The following MSI2 variants were observed in gnomAD, a reference collection of about 807,000 sequenced individuals.
MSI2 encodes musashi RNA binding protein 2, also known as RNA-binding protein Musashi homolog 2.
Under a neutral mutation model 45.6 loss-of-function variants are expected in MSI2, and 17 were observed. The ratio of observed to expected loss-of-function variants is 0.37; its 90% confidence interval spans 0.26 to 0.56. The LOEUF (loss-of-function observed/expected upper bound fraction) is 0.56, where lower values mean the gene tolerates loss of function less well. MSI2 is among the 20% of genes least tolerant of loss of function. The pLI, the probability that MSI2 is intolerant of heterozygous loss-of-function variation, is 0.77. For synonymous variants in MSI2, 156 were observed against 158.2 expected, an observed-to-expected ratio of 0.99 and a Z score of 0.11; for missense variants, 293 against 444.2, an observed-to-expected ratio of 0.66 and a Z score of 3.06.
At chr17:57,426,238 A>T (rs562456349) in intron 6 of MSI2, among the ~76,000 whole-genome samples, 2 of 152,224 alleles carry the variant, frequency 1.3e-5, no homozygotes, top group Non-Finnish European at 1.5e-5. Context: ...TCCTAGCTGC[A>T]TACCGGTTTT....
intron 4 of MSI2, among the ~76,000 whole-genome samples, chr17:57,261,414 G>C (rs746487647): frequency 3.3e-5 from 5 of 151,810 alleles, no homozygotes; most frequent in Non-Finnish European, 1.5e-5. Context: ...TTTGGGTTTA[G>C]GTTGCTTATA....
intron 7 of MSI2, among the ~76,000 whole-genome samples, chr17:57,583,731 C>T (rs2088270476): frequency 6.6e-6 from 1 of 152,170 alleles, no homozygotes; most frequent in Non-Finnish European, 1.5e-5. Flanking sequence ...GCCTTGGCCT[C>T]CCAAAGTGCT....
At chr17:57,631,945 G>T in intron 10 of MSI2, 2 of 1,497,354 alleles carry the variant, frequency 1.3e-6, no homozygotes, top group Non-Finnish European at 1.8e-6. Flanking sequence ...GTCTGTCTTA[G>T]CTGCCTGTTT....
intron 6 of MSI2, among the ~76,000 whole-genome samples, chr17:57,474,704 TTTTTTG>T (rs140056381): frequency 0.82 from 122,667 of 149,082 alleles, 50,351 homozygotes; most frequent in East Asian, 0.93. Context: ...TTTTTGTTGT[TTTTTTG>T]TTTTTGTTTT....
chr17:57,696,444 G>T, the MSI2 span, among the ~76,000 whole-genome samples: 1 of 152,190 alleles, frequency 6.6e-6, no homozygotes, highest in African/African-American at 2.4e-5. Flanking sequence ...TCATATTAAA[G>T]TTTTTAGAAT....
chr17:57,603,134 T>C (rs1906100479), intron 8 of MSI2, among the ~76,000 whole-genome samples: 3 of 152,188 alleles, frequency 2.0e-5, no homozygotes, highest in African/African-American at 7.2e-5. Context: ...ACTCCCTCTA[T>C]GGTCAAACAG....
At chr17:57,259,028 A>G (rs562564344) in intron 4 of MSI2, among the ~76,000 whole-genome samples, 2 of 152,216 alleles carry the variant, frequency 1.3e-5, no homozygotes, top group East Asian at 3.9e-4. Flanking sequence ...TTAAAAATCC[A>G]GAGTAGAAGG....
intron 7 of MSI2, among the ~76,000 whole-genome samples, chr17:57,583,066 T>C (rs2088245505): frequency 2.0e-5 from 3 of 152,242 alleles, no homozygotes; most frequent in Admixed American, 2.0e-4. Context: ...GGGGGTGTGA[T>C]GTGGCTGGTT....
At chr17:57,293,733 C>T (rs745322460) in intron 5 of MSI2, among the ~76,000 whole-genome samples, 2 of 151,594 alleles carry the variant, frequency 1.3e-5, no homozygotes, top group South Asian at 2.1e-4. Context: ...CTCAGCTTCC[C>T]GAGTAGCTGG....
intron 10 of MSI2, among the ~76,000 whole-genome samples, chr17:57,648,696 G>C (rs1910886154): frequency 6.6e-6 from 1 of 152,160 alleles, no homozygotes; most frequent in Non-Finnish European, 1.5e-5. Flanking sequence ...CTCTGCCGCA[G>C]CTTTGCTTGG....
At chr17:57,391,633 G>C (rs2083792870) in intron 5 of MSI2, among the ~76,000 whole-genome samples, 1 of 152,000 alleles carries the variant, frequency 6.6e-6, no homozygotes, top group Admixed American at 6.6e-5. Flanking sequence ...TTCCACCCTG[G>C]GTGGGCAACT....
chr17:57,381,513 T>TC (rs1265787546), intron 5 of MSI2, among the ~76,000 whole-genome samples: 1 of 152,056 alleles, frequency 6.6e-6, no homozygotes, highest in African/African-American at 2.4e-5. Flanking sequence ...ACCTTATTGT[T>TC]CCCCCTGGTC....
intron 6 of MSI2, chr17:57,449,146 G>A (rs138591417): frequency 0.014 from 2,109 of 152,364 alleles, 24 homozygotes; most frequent in Non-Finnish European, 0.021. Context: ...TCCCTCCACC[G>A]CCACTGTTTT....
chr17:57,488,863 G>A (rs1381822058), intron 6 of MSI2, among the ~76,000 whole-genome samples: 1 of 151,972 alleles, frequency 6.6e-6, no homozygotes, highest in Non-Finnish European at 1.5e-5. Context: ...CAAAGTGACA[G>A]CACATTAGAG....
intron 5 of MSI2, among the ~76,000 whole-genome samples, chr17:57,379,600 T>C (rs1305385469): frequency 6.6e-6 from 1 of 152,084 alleles, no homozygotes; most frequent in African/African-American, 2.4e-5. Flanking sequence ...AAGTTACTTC[T>C]CGGATTGGCT....
intron 6 of MSI2, among the ~76,000 whole-genome samples, chr17:57,426,376 A>G (rs965009686): frequency 6.6e-6 from 1 of 152,202 alleles, no homozygotes; most frequent in African/African-American, 2.4e-5. Flanking sequence ...CTTTTAAGAT[A>G]ACGTTCAGCT....
chr17:57,643,526 C>T (rs531828811), intron 10 of MSI2, among the ~76,000 whole-genome samples: 1 of 152,192 alleles, frequency 6.6e-6, no homozygotes, highest in Non-Finnish European at 1.5e-5. Flanking sequence ...AGGGAACCTG[C>T]GGACAGACAC....
chr17:57,560,445 A>G (rs1018645299), intron 7 of MSI2, among the ~76,000 whole-genome samples: 4 of 152,154 alleles, frequency 2.6e-5, no homozygotes, highest in Non-Finnish European at 5.9e-5. Context: ...CTTCATGGAC[A>G]TTTTCAAAAC....
chr17:57,497,039 G>A (rs1042645121), intron 6 of MSI2, among the ~76,000 whole-genome samples: 1 of 152,132 alleles, frequency 6.6e-6, no homozygotes, highest in African/African-American at 2.4e-5. Flanking sequence ...GTGCGATGGT[G>A]CAATCTCAGC....
Sources: allele counts gnomAD v4.1 joint callset (sites outside exome capture counted in the v4.1 genomes callset), GRCh38; gene constraint gnomAD v4.1.1; transcripts MANE v1.5; gene names NCBI Gene and HGNC (gene_info 2026-07-23, HGNC 2026-07-21).